KCNS3: variants seen among roughly 807,000 people sequenced by gnomAD.
KCNS3 encodes potassium voltage-gated channel modifier subfamily S member 3, also known as delayed-rectifier potassium channel regulatory subunit KCNS3.
In KCNS3, 13 loss-of-function variants were observed where a neutral mutation model predicts 31.0. That is an observed-to-expected ratio of 0.42 (90% CI 0.27 to 0.67). The LOEUF is 0.67. Ranked by LOEUF, KCNS3 falls within the 30% of genes least tolerant of loss-of-function variation. The pLI, the probability that KCNS3 is intolerant of heterozygous loss-of-function variation, is 0.25. For synonymous variants in KCNS3, 238 were observed against 241.5 expected, an observed-to-expected ratio of 0.99 and a Z score of 0.13; for missense variants, 545 against 622.4, an observed-to-expected ratio of 0.88 and a Z score of 1.32.
At chr2:17,902,582 C>T (rs1278118836) in intron 1 of KCNS3, among the ~76,000 whole-genome samples, 5 of 152,142 alleles carry the variant, frequency 3.3e-5, no homozygotes, top group Admixed American at 6.5e-5. Flanking sequence ...TACATCTATG[C>T]GAAGACAGCC....
At chr2:17,894,784 C>T (rs970944253) in intron 1 of KCNS3, among the ~76,000 whole-genome samples, 1 of 152,326 alleles carries the variant, frequency 6.6e-6, no homozygotes, top group Non-Finnish European at 1.5e-5. Flanking sequence ...AGCCGGCTAA[C>T]ATCACTGCTG....
intron 1 of KCNS3, among the ~76,000 whole-genome samples, chr2:17,895,673 A>G (rs1392400325): frequency 6.6e-6 from 1 of 152,210 alleles, no homozygotes; most frequent in African/African-American, 2.4e-5. Flanking sequence ...TGCAGGCACA[A>G]AGGTGAGGTG....
chr2:17,894,287 A>G (rs1661935825), intron 1 of KCNS3, among the ~76,000 whole-genome samples: 1 of 152,126 alleles, frequency 6.6e-6, no homozygotes, highest in Non-Finnish European at 1.5e-5. Flanking sequence ...TATATGATGT[A>G]GAAGGGAGGA....
chr2:17,893,347 C>A (rs1006242201), intron 1 of KCNS3, among the ~76,000 whole-genome samples: 6 of 152,178 alleles, frequency 3.9e-5, no homozygotes, highest in African/African-American at 1.4e-4. Context: ...CATCTGCCTC[C>A]CAGCTGAGAA....
intron 1 of KCNS3, among the ~76,000 whole-genome samples, chr2:17,898,251 T>G (rs1662078677): frequency 6.6e-6 from 1 of 151,910 alleles, no homozygotes; most frequent in East Asian, 1.9e-4. Flanking sequence ...TAGGTTTTTT[T>G]TTTTTTTTTT....
intron 1 of KCNS3, among the ~76,000 whole-genome samples, chr2:17,907,761 T>C (rs1662371017): frequency 6.6e-6 from 1 of 152,192 alleles, no homozygotes; most frequent in Admixed American, 6.5e-5. Context: ...TGAAAATTCT[T>C]TTCCTTAAGA....
At chr2:17,910,664 A>G (rs1386243129) in intron 1 of KCNS3, among the ~76,000 whole-genome samples, 6 of 151,912 alleles carry the variant, frequency 3.9e-5, no homozygotes, top group African/African-American at 1.2e-4. Flanking sequence ...TAGGAAGAGC[A>G]GTAACTCCAA....
chr2:17,891,996 C>CCAAACAA (rs1661867376), intron 1 of KCNS3, among the ~76,000 whole-genome samples: 1 of 152,088 alleles, frequency 6.6e-6, no homozygotes, highest in African/African-American at 2.4e-5. Context: ...GGGAGGTTTT[C>CCAAACAA]CTTTATTGTT....
At chr2:17,893,754 TC>T (rs778484039) in intron 1 of KCNS3, among the ~76,000 whole-genome samples, 129 of 152,260 alleles carry the variant, frequency 8.5e-4, no homozygotes, top group Non-Finnish European at 1.7e-3. Context: ...GTTGGGGCAC[TC>T]ACAGTATTTG....
intron 1 of KCNS3, among the ~76,000 whole-genome samples, chr2:17,885,351 G>A (rs932738915): frequency 2.0e-5 from 3 of 152,198 alleles, no homozygotes; most frequent in African/African-American, 7.2e-5. Flanking sequence ...CTGTTAAAAA[G>A]ATGATAAGAG....
intron 1 of KCNS3, among the ~76,000 whole-genome samples, chr2:17,903,840 C>T (rs1285884083): frequency 6.6e-6 from 1 of 152,178 alleles, no homozygotes. Flanking sequence ...GCCACATTTT[C>T]TTAATCCAGT....
chr2:17,899,140 C>G (rs182591203), intron 1 of KCNS3, among the ~76,000 whole-genome samples: 3 of 152,054 alleles, frequency 2.0e-5, no homozygotes, highest in Non-Finnish European at 2.9e-5. Flanking sequence ...GCAGGAGCAT[C>G]GCTTGAACCC....
chr2:17,881,466 C>T (rs1275748082), intron 1 of KCNS3, among the ~76,000 whole-genome samples: 2 of 152,192 alleles, frequency 1.3e-5, no homozygotes, highest in African/African-American at 4.8e-5. Flanking sequence ...TGTTTAGCTG[C>T]ACTGACCTAG....
intron 1 of KCNS3, among the ~76,000 whole-genome samples, chr2:17,892,496 G>A (rs576016479): frequency 1.3e-5 from 2 of 152,036 alleles, no homozygotes; most frequent in Non-Finnish European, 2.9e-5. Flanking sequence ...TTTTTGGGGG[G>A]TGTTGAAGAG....
At chr2:17,900,579 T>A (rs1318865111) in intron 1 of KCNS3, among the ~76,000 whole-genome samples, 3 of 152,068 alleles carry the variant, frequency 2.0e-5, no homozygotes, top group Admixed American at 2.0e-4. Flanking sequence ...AACCTCTGCC[T>A]CCCAGGTTCA....
At chr2:17,904,339 T>C (rs1279033540) in intron 1 of KCNS3, among the ~76,000 whole-genome samples, 1 of 152,146 alleles carries the variant, frequency 6.6e-6, no homozygotes, top group Non-Finnish European at 1.5e-5. Context: ...GTTGGAGTTC[T>C]TTGTATATTC....
chr2:17,883,722 T>A (rs1466790596), intron 1 of KCNS3, among the ~76,000 whole-genome samples: 1 of 151,978 alleles, frequency 6.6e-6, no homozygotes, highest in African/African-American at 2.4e-5. Flanking sequence ...TGGGAGGAGG[T>A]TGTAGAAGAG....
In KCNS3 at chr2:17,886,761, C is replaced by CATCT. The variant is rs1450752324; in HGVS notation, c.-252+7958_-252+7959insTATC. ...TTAAATGTCCATCCATCCATCCATC[C>CATCT]ATCCATCCATCCATCCATCCACCCA... is the stretch of plus-strand genomic sequence containing the variant. On this transcript the variant is annotated intron_variant, in intron 1 of 2. Transcript: ENST00000304101. Among the ~76,000 whole-genome samples the CATCT allele has an allele frequency of 2.4e-4, 36 of 152,090 alleles. 1 individual carries two copies. Among genetic ancestry groups the CATCT allele is most frequent in the African/African-American group, 8.7e-4 (36 of 41,536 alleles).
intron 1 of KCNS3, among the ~76,000 whole-genome samples, chr2:17,906,195 G>A (rs1355228001): frequency 2.0e-5 from 3 of 152,174 alleles, no homozygotes; most frequent in Non-Finnish European, 2.9e-5. Flanking sequence ...TTGGGAGGGT[G>A]TATGTGTCCA....
Sources: allele counts gnomAD v4.1 joint callset (sites outside exome capture counted in the v4.1 genomes callset), GRCh38; gene constraint gnomAD v4.1.1; transcripts MANE v1.5; gene names NCBI Gene and HGNC (gene_info 2026-07-23, HGNC 2026-07-21).